Variants in FGFR3 observed in about 807,000 individuals in gnomAD.
FGFR3 encodes the protein FGFR-3.
FGFR3 carries 25 observed loss-of-function variants against 82.9 expected under a neutral mutation model. The observed-to-expected ratio is 0.30, with a 90% CI of 0.22 to 0.42. The LOEUF (loss-of-function observed/expected upper bound fraction) is 0.42. FGFR3 is among the 10% of genes least tolerant of loss of function. The probability of loss-of-function intolerance (pLI) is 1.00; values close to 1 mark genes in which losing one functional copy is unlikely to be tolerated. For missense variants in FGFR3, 1,026 were observed against 1,161.0 expected (o/e 0.88, Z 1.69); for synonymous variants, 620 against 516.0 (o/e 1.20, Z -2.73).
chr4:1,797,289 C>T (rs770050855), intron 2 of FGFR3, among the ~76,000 whole-genome samples: 44 of 152,146 alleles, frequency 2.9e-4, no homozygotes, highest in Non-Finnish European at 8.8e-5. Flanking sequence ...GAACTTATAG[C>T]ACCCACTCAT....
intron 7 of FGFR3, chr4:1,803,081 A>G (rs369103009): frequency 1.0e-5 from 16 of 1,552,004 alleles, no homozygotes; most frequent in South Asian, 6.0e-5. Context: ...ACTCTGTCCC[A>G]TGCCGGCCGG....
chr4:1,802,556 G>A (rs1721325271), intron 7 of FGFR3, among the ~76,000 whole-genome samples: 1 of 152,250 alleles, frequency 6.6e-6, no homozygotes, highest in African/African-American at 2.4e-5. Flanking sequence ...TCTGTTCAGA[G>A]AGAAGACGGT....
In FGFR3 at chr4:1,804,371, T is replaced by C; in HGVS notation, c.1117T>C (p.Tyr373His). The change falls in exon 9 of 18, where the codon TAT (tyrosine) becomes CAT (histidine). Residue 373 changes from tyrosine (Y) to histidine (H), a missense_variant. By Grantham distance (83) the Tyr-to-His change is moderately conservative (BLOSUM62 2). This residue lies in a region of FGFR3 where 256 missense variants were observed against 217.6 expected (regional missense o/e 1.18). Transcript: ENST00000440486. ...LVEADEAGSV[Y>H]AGILSYGVGF... is the part of the protein sequence containing the mutation. ...GGAGGCTGACGAGGCGGGCAGTGTG[T>C]ATGCAGGCATCCTCAGCTACGGGGT... is the stretch of plus-strand genomic sequence containing the variant. The C allele has an allele frequency of 6.2e-7, 1 of 1,612,766 alleles. No individual in the cohort carries two copies. Among genetic ancestry groups the C allele is most frequent in the Non-Finnish European group, 8.5e-7 (1 of 1,179,620 alleles).
chr4:1,805,129 G>A (rs1721720319), intron 10 of FGFR3, among the ~76,000 whole-genome samples, 160 bp downstream of exon 10: 1 of 152,272 alleles, frequency 6.6e-6, no homozygotes, highest in South Asian at 2.1e-4. Flanking sequence ...ACGGGTGTAT[G>A]GCAGGGACTG....
In FGFR3 at chr4:1,804,507, C is replaced by T. The variant is rs781361431; in HGVS notation, c.1253C>T (p.Pro418Leu). ...ACCGTGCACAAGATCTCCCGCTTCC[C>T]GCTCAAGCGACAGGTAACAGAAAGT... ...SPTVHKISRF[P>L]LKRQVSLESN... Residue 418 changes from proline (P) to leucine (L), a missense_variant, in exon 9 of 18, where the codon CCG (proline) becomes CTG (leucine). By Grantham distance (98) the Pro-to-Leu change is moderately conservative. Transcript: ENST00000440486. 3.7e-6 allele frequency: 6 copies of T among 1,612,714 alleles called. No individual in the cohort carries two copies. Among genetic ancestry groups the T allele is most frequent in the African/African-American group, 1.3e-5 (1 of 75,050 alleles).
intron 2 of FGFR3, among the ~76,000 whole-genome samples, chr4:1,795,364 T>C (rs1720367707): frequency 6.6e-6 from 1 of 151,080 alleles, no homozygotes; most frequent in Admixed American, 6.6e-5. Flanking sequence ...CTGCGGAGCC[T>C]CTCCTGGACC....
At chr4:1,804,550 C>A (rs752046105) in intron 9 of FGFR3, 30 bp downstream of exon 9, 1 of 1,609,072 alleles carries the variant, frequency 6.2e-7, no homozygotes, top group South Asian at 1.1e-5. Flanking sequence ...AGGTTCTGAG[C>A]TGCCTGCCCG....
rs750888371 is a variant in FGFR3, at chr4:1,807,554, T to TGCAGAATGTAAGTGGGCCCACCC, written c.*294_*316dup. On this transcript the variant is annotated 3_prime_UTR_variant, in exon 18 of 18. Coordinates refer to ENST00000440486, the MANE Select transcript of FGFR3 (RefSeq NM_000142.5). Reference sequence around the variant, plus strand: ...GGGCCTTTGTTCTGGGGGGACCCAGTGCAGAATGTAAGTGGGCCCACCCGG... The same window carrying TGCAGAATGTAAGTGGGCCCACCC: ...GGGCCTTTGTTCTGGGGGGACCCAGTGCAGAATGTAAGTGGGCCCACCCGCAGAATGTAAGTGGGCCCACCCGG... The TGCAGAATGTAAGTGGGCCCACCC allele has an allele frequency of 5.6e-6, 4 of 710,840 alleles. No individual in the cohort carries two copies. Among genetic ancestry groups the TGCAGAATGTAAGTGGGCCCACCC allele is most frequent in the Non-Finnish European group, 1.0e-5 (4 of 385,062 alleles). The allele number at this position is 710,840 out of a possible 1,614,324, so 44.0% of individuals were successfully genotyped here. A position where few individuals can be genotyped will look rare whatever the true frequency, so the allele number is the denominator to read the frequency against.
rs756121492 is a variant in FGFR3 at position 1,807,393 on chromosome 4, G to A, written c.*131G>A. 1 of 1,118,256 alleles carries A rather than the reference G, an allele frequency of 8.9e-7. No homozygotes were observed. Among genetic ancestry groups the A allele is most frequent in the Non-Finnish European group, 1.2e-6 (1 of 829,200 alleles). The allele number at this position is 1,118,256 out of a possible 1,614,324, so 69.3% of individuals were successfully genotyped here. A position where few individuals can be genotyped will look rare whatever the true frequency, so the allele number is the denominator to read the frequency against. On this transcript the variant is annotated 3_prime_UTR_variant, in exon 18 of 18. Transcript: ENST00000440486. Reference sequence around the variant, plus strand: ...ACACAGAGCTTTGGTCTGTGTGTGTGTGTGTGCGTGTGTGTGTGTGTGTGT... The same window carrying A: ...ACACAGAGCTTTGGTCTGTGTGTGTATGTGTGCGTGTGTGTGTGTGTGTGT...
rs773197447 is a variant in FGFR3 at position 1,807,159 on chromosome 4, G to A, written c.2318G>A (p.Gly773Asp). 4.0e-5 allele frequency: 64 copies of A among 1,600,718 alleles called. No homozygotes were observed. Among genetic ancestry groups the A allele is most frequent in the Non-Finnish European group, 5.4e-5 (63 of 1,174,412 alleles). Residue 773 changes from glycine (G) to aspartate (D), a missense_variant, in exon 18 of 18, where the codon GGT becomes GAT. Gly to Asp is a moderately conservative substitution (Grantham distance 94). Transcript: ENST00000440486. ...GCGCCTTTCGAGCAGTACTCCCCGG[G>A]TGGCCAGGACACCCCCAGCTCCAGC... ...LSAPFEQYSP[G>D]GQDTPSSSSS...
In FGFR3 at chr4:1,804,916, T is replaced by C; in HGVS notation, c.1359T>C (p.Asn453=). 2 of 1,549,696 alleles carry C rather than the reference T, an allele frequency of 1.3e-6. No homozygotes were observed. The highest frequency in any genetic ancestry group is 1.7e-6 in the Non-Finnish European group (2 of 1,146,864). ...CAGGGGAGGGCCCCACGCTGGCCAA[T>C]GTCTCCGAGCTCGAGCTGCCTGCCG... is the stretch of plus-strand genomic sequence containing the variant. ...LSSGEGPTLA[N]VSELELPADP... The change falls in exon 10 of 18, where the codon AAT becomes AAC. Residue 453 remains asparagine (N), a synonymous_variant. Coordinates refer to ENST00000440486, the MANE Select transcript of FGFR3 (RefSeq NM_000142.5).
chr4:1,805,294 C>T (rs1721743353), intron 10 of FGFR3, 61 bp from the exon 11 acceptor site: 6 of 1,600,102 alleles, frequency 3.7e-6, no homozygotes, highest in Non-Finnish European at 3.4e-6. Context: ...GGGGTGGGGA[C>T]CGTGGTGGGC....
intron 2 of FGFR3, among the ~76,000 whole-genome samples, chr4:1,795,107 A>C (rs1226348334): frequency 6.6e-6 from 1 of 151,828 alleles, no homozygotes; most frequent in Admixed American, 6.5e-5. Context: ...AGCCTCCCGG[A>C]ACAATGTCAT....
chr4:1,808,390 TAGG>T lies in FGFR3; in HGVS notation c.*1131_*1133del, dbSNP rs1410893480. 2.6e-5 allele frequency: 6 copies of T among 232,364 alleles called. No homozygotes were observed. The highest frequency in any genetic ancestry group is 2.3e-4 in the Admixed American group (4 of 17,728). The allele number at this position is 232,364 out of a possible 1,614,324, so 14.4% of individuals were successfully genotyped here. On this transcript the variant is annotated 3_prime_UTR_variant, in exon 18 of 18. Coordinates refer to ENST00000440486, the MANE Select transcript of FGFR3 (RefSeq NM_000142.5). ...ATTAGATTTCTATAGGATTTTTCTT[TAGG>T]AGATTTATTTTTTGGACTTCAAAGC...
chr4:1,806,444 C>G (rs1721930725), intron 15 of FGFR3, 102 bp from the exon 16 acceptor site: 2 of 1,606,386 alleles, frequency 1.2e-6, no homozygotes, highest in African/African-American at 2.7e-5. Context: ...GTTTCTACCC[C>G]TCCCTGGGGG....
At position 1,807,753 on chromosome 4, in the gene FGFR3, C is replaced by A. The variant is rs1577298557; in HGVS notation, c.*491C>A. The A allele has an allele frequency of 1.7e-5, 10 of 579,182 alleles. No individual in the cohort carries two copies. The highest frequency in any genetic ancestry group is 3.0e-5 in the Non-Finnish European group (9 of 296,844). 35.9% of individuals were successfully genotyped at this position (579,182 alleles called of 1,614,324 possible). A position where few individuals can be genotyped will look rare whatever the true frequency, so the allele number is the denominator to read the frequency against. On this transcript the variant is annotated 3_prime_UTR_variant, in exon 18 of 18. Transcript: ENST00000440486. ...GGGTGTTAGTGGCACCGCCTCCCCA[C>A]CTCCAGGCTTTCCCACTTCCCACCC...
At chr4:1,800,063 C>CTG (rs1721007026) in intron 4 of FGFR3, among the ~76,000 whole-genome samples, 1 of 152,114 alleles carries the variant, frequency 6.6e-6, no homozygotes, top group Non-Finnish European at 1.5e-5. Context: ...GCACAGGGCC[C>CTG]TGGGGGTTCC....
intron 2 of FGFR3, among the ~76,000 whole-genome samples, chr4:1,794,481 G>A (rs1471992787): frequency 6.6e-6 from 1 of 152,190 alleles, no homozygotes; most frequent in Non-Finnish European, 1.5e-5. Flanking sequence ...GACTTCTAAG[G>A]GTGGGTGTGC....
At position 1,807,142 on chromosome 4, in the gene FGFR3, C is replaced by G. The variant is rs540549001; in HGVS notation, c.2301C>G (p.Phe767Leu). 7 of 1,595,232 alleles carry G rather than the reference C, an allele frequency of 4.4e-6. No homozygotes were observed. The highest frequency in any genetic ancestry group is 6.0e-6 in the Non-Finnish European group (7 of 1,171,592). ...TDEYLDLSAP[F>L]EQYSPGGQDT... Reference sequence around the variant, plus strand: ...AGTACCTGGACCTGTCGGCGCCTTTCGAGCAGTACTCCCCGGGTGGCCAGG... The same window carrying G: ...AGTACCTGGACCTGTCGGCGCCTTTGGAGCAGTACTCCCCGGGTGGCCAGG... Residue 767 changes from phenylalanine (F) to leucine (L), a missense_variant, in exon 18 of 18, where the codon TTC (phenylalanine) becomes TTG (leucine). Transcript: ENST00000440486.
Sources: gnomAD v4.1 joint callset for allele counts (sites outside exome capture counted in the v4.1 genomes callset) on GRCh38, gnomAD v4.1.1 for gene constraint, gnomAD v4.1.1 regional missense constraint, MANE v1.5 for transcripts, NCBI Gene and HGNC (gene_info 2026-07-23, HGNC 2026-07-21) for gene names.